PHACTR1: variants seen among roughly 807,000 people sequenced by gnomAD.
PHACTR1 encodes the protein RPEL repeat containing 1.
PHACTR1 carries 16 observed loss-of-function variants against 69.2 expected under a neutral mutation model. The ratio of observed to expected loss-of-function variants is 0.23; its 90% CI spans 0.16 to 0.35. The LOEUF (loss-of-function observed/expected upper bound fraction) is 0.35. Ranked by LOEUF, PHACTR1 falls within the 10% of genes least tolerant of loss-of-function variation. The probability of loss-of-function intolerance (pLI) is 1.00; values close to 1 mark genes in which losing one functional copy is unlikely to be tolerated. For missense variants in PHACTR1, 510 were observed against 734.7 expected (o/e 0.69, Z 3.54); for synonymous variants, 312 against 284.5 (o/e 1.10, Z -0.97).
At chr6:12,955,192 C>CTTTTCTTTTTTTTTTTT (rs1791737677) in intron 4 of PHACTR1, among the ~76,000 whole-genome samples, 1 of 103,286 alleles carries the variant, frequency 9.7e-6, no homozygotes, top group African/African-American at 5.1e-5. Context: ...TGTATTTCCT[C>CTTTTCTTTTTTTTTTTT]TTTTTTTTTT....
At chr6:12,914,672 C>G (rs1054777802) in intron 4 of PHACTR1, among the ~76,000 whole-genome samples, 2 of 152,098 alleles carry the variant, frequency 1.3e-5, no homozygotes. Flanking sequence ...CTCAGTTGCT[C>G]TCTCAGGGGG....
At chr6:12,811,773 G>A (rs776813399) in intron 4 of PHACTR1, among the ~76,000 whole-genome samples, 12 of 152,062 alleles carry the variant, frequency 7.9e-5, no homozygotes, top group East Asian at 3.9e-4. Flanking sequence ...TACATAACTC[G>A]GTGTTCTGCC....
rs1773506684 is a variant in PHACTR1, at chr6:13,245,778, TA to T, written c.1391+15586del. 6.6e-6 allele frequency among the ~76,000 whole-genome samples: 1 copy of T among 152,210 alleles called. No homozygotes were observed. The highest frequency in any genetic ancestry group is 1.5e-5 in the Non-Finnish European group (1 of 68,040). ...CCTAGGTTATCTTCCAGGGTTTTTA[TA>T]GTTTTAGGTTTTAAGTCTTTTAATC... On this transcript the variant is annotated intron_variant, in intron 10 of 14. Transcript: ENST00000332995. The surrounding 1 kb of genome is among the most constrained non-coding windows in gnomAD (Gnocchi z 4.1).
chr6:12,848,476 A>G (rs1042184095), intron 4 of PHACTR1, among the ~76,000 whole-genome samples: 4 of 152,232 alleles, frequency 2.6e-5, no homozygotes, highest in East Asian at 1.9e-4. Flanking sequence ...TCTATTAAAA[A>G]TCTAATGTAA....
At chr6:12,788,544 A>T (rs1412752) in intron 4 of PHACTR1, among the ~76,000 whole-genome samples, 56,565 of 152,104 alleles carry the variant, frequency 0.37, 11,322 homozygotes, top group African/African-American at 0.5. Context: ...TGATTTTTAG[A>T]TGGAAAAAGA....
intron 4 of PHACTR1, among the ~76,000 whole-genome samples, chr6:12,957,035 C>G (rs796576180): frequency 1.7e-4 from 22 of 129,642 alleles, no homozygotes; most frequent in African/African-American, 6.4e-4. Context: ...GTCATTGTGT[C>G]GCGTTTTGAG....
chr6:12,913,633 A>G (rs1021962830), intron 4 of PHACTR1, among the ~76,000 whole-genome samples: 2 of 152,188 alleles, frequency 1.3e-5, no homozygotes, highest in Non-Finnish European at 2.9e-5. Flanking sequence ...TGCATCGCAC[A>G]TTTATCTCAG....
chr6:13,265,231 G>GT (rs1271704067), intron 10 of PHACTR1, among the ~76,000 whole-genome samples: 1 of 152,058 alleles, frequency 6.6e-6, no homozygotes, highest in Non-Finnish European at 1.5e-5. Flanking sequence ...GGTGTTGTCA[G>GT]TAACAGCCTC....
chr6:12,742,398 C>T (rs922271948), intron 3 of PHACTR1, among the ~76,000 whole-genome samples: 3 of 152,150 alleles, frequency 2.0e-5, no homozygotes, highest in South Asian at 2.1e-4. Flanking sequence ...TTATAATTAG[C>T]GCATAATGAG....
chr6:12,769,262 A>G (rs1769076146), intron 4 of PHACTR1, among the ~76,000 whole-genome samples: 1 of 152,246 alleles, frequency 6.6e-6, no homozygotes, highest in Admixed American at 6.5e-5. Flanking sequence ...TGGGTACGGT[A>G]GTTGCCCTGA....
At chr6:13,199,397 A>C (rs959805170) in intron 7 of PHACTR1, among the ~76,000 whole-genome samples, 4 of 150,706 alleles carry the variant, frequency 2.7e-5, no homozygotes, top group African/African-American at 9.7e-5. Flanking sequence ...AAAAAAAAAA[A>C]AAAAAAAAAA....
intron 4 of PHACTR1, among the ~76,000 whole-genome samples, chr6:13,033,238 T>C (rs559045485): frequency 1.7e-4 from 26 of 152,356 alleles, no homozygotes; most frequent in South Asian, 1.0e-3. Context: ...ATTCTTCTCA[T>C]TGCTTTTTGG....
chr6:12,836,566 T>C (rs533684639), intron 4 of PHACTR1, among the ~76,000 whole-genome samples: 5 of 152,222 alleles, frequency 3.3e-5, no homozygotes, highest in Admixed American at 1.3e-4. Flanking sequence ...CAGACTATCA[T>C]TGAAACTGTC....
chr6:13,283,679 T>A lies in PHACTR1; in HGVS notation c.1650+117T>A, dbSNP rs745663411. 2.8e-5 allele frequency: 42 copies of A among 1,496,020 alleles called. No homozygotes were observed. The highest frequency in any genetic ancestry group is 3.9e-5 in the Non-Finnish European group (42 of 1,084,846). 92.7% of individuals were successfully genotyped at this position (1,496,020 alleles called of 1,614,324 possible). On this transcript the variant is annotated intron_variant, in intron 13 of 14. Transcript: ENST00000332995. This position sits in a 1 kb window ranked among gnomAD's most constrained non-coding sequence, Gnocchi z 4.7. ...AGCCAGGCCTCAGCCGCAGTCCCCA[T>A]AATGGAGTGTTGAGACCCCAACACC...
At chr6:12,989,177 C>G (rs1157282235) in intron 4 of PHACTR1, among the ~76,000 whole-genome samples, 1 of 152,194 alleles carries the variant, frequency 6.6e-6, no homozygotes, top group Non-Finnish European at 1.5e-5. Context: ...GGTGGGCAAG[C>G]CATCTATTCA....
intron 4 of PHACTR1, among the ~76,000 whole-genome samples, chr6:12,763,063 A>G (rs1329033872): frequency 6.6e-6 from 1 of 152,168 alleles, no homozygotes; most frequent in Non-Finnish European, 1.5e-5. Context: ...AAAATACAAA[A>G]TTAGCTGGAC....
intron 3 of PHACTR1, among the ~76,000 whole-genome samples, chr6:12,740,828 A>G (rs967294547): frequency 5.3e-5 from 8 of 151,672 alleles, no homozygotes; most frequent in African/African-American, 1.9e-4. Context: ...ATATCCTTTT[A>G]ATAGTTTTAG....
intron 4 of PHACTR1, among the ~76,000 whole-genome samples, chr6:12,857,840 C>T (rs1191794271): frequency 6.6e-6 from 1 of 152,142 alleles, no homozygotes; most frequent in Non-Finnish European, 1.5e-5. Flanking sequence ...CGCCTGGCTT[C>T]AACCAAAGTC....
chr6:12,858,608 C>T (rs564536174), intron 4 of PHACTR1, among the ~76,000 whole-genome samples: 50 of 152,016 alleles, frequency 3.3e-4, no homozygotes, highest in Non-Finnish European at 6.6e-4. Context: ...GCCTGGGTAA[C>T]ATAGTGAGAC....
Sources: gnomAD v4.1 joint callset for allele counts (sites outside exome capture counted in the v4.1 genomes callset) on GRCh38, gnomAD v4.1.1 for gene constraint, Gnocchi (gnomAD v3.1) non-coding constraint, MANE v1.5 for transcripts, NCBI Gene and HGNC (gene_info 2026-07-23, HGNC 2026-07-21) for gene names.